Variants in TNFRSF1B observed in about 807,000 individuals in gnomAD.
TNFRSF1B encodes tumor necrosis factor receptor superfamily member 1B.
In TNFRSF1B, 19 loss-of-function variants were observed where a neutral mutation model predicts 44.6. The observed-to-expected ratio is 0.43, with a 90% CI of 0.30 to 0.62. The LOEUF is 0.62. Among genes scored for constraint, TNFRSF1B ranks in the 20% least tolerant of loss-of-function variants. TNFRSF1B has a pLI of 0.16. For synonymous variants in TNFRSF1B, 252 were observed against 261.1 expected (o/e 0.97, Z 0.34); for missense variants, 541 against 619.9 (o/e 0.87, Z 1.35).
chr1:12,170,170 C>T (rs1638489137), intron 1 of TNFRSF1B, among the ~76,000 whole-genome samples: 1 of 147,598 alleles, frequency 6.8e-6, no homozygotes, highest in Non-Finnish European at 1.5e-5. Context: ...CACCCTGAGG[C>T]AGGGCCATTC....
intron 8 of TNFRSF1B, among the ~76,000 whole-genome samples, chr1:12,194,900 T>C (rs1639233219): frequency 6.6e-6 from 1 of 152,234 alleles, no homozygotes; most frequent in South Asian, 2.1e-4. Flanking sequence ...GATGTGAAAT[T>C]GCTCTATGGC....
chr1:12,192,018 C>T (rs1639147214), intron 4 of TNFRSF1B, 95 bp downstream of exon 4: 30 of 1,479,420 alleles, frequency 2.0e-5, no homozygotes, highest in Non-Finnish European at 2.6e-5. Context: ...TTAATTAGTC[C>T]AGCAGGGAGC....
chr1:12,182,299 C>T (rs1367188817), intron 1 of TNFRSF1B, among the ~76,000 whole-genome samples: 2 of 152,112 alleles, frequency 1.3e-5, no homozygotes, highest in African/African-American at 2.4e-5. Flanking sequence ...CTGCTGCTTT[C>T]GTTCTCACCC....
intron 1 of TNFRSF1B, among the ~76,000 whole-genome samples, chr1:12,188,102 G>A (rs1213830027): frequency 6.6e-6 from 1 of 152,222 alleles, no homozygotes; most frequent in African/African-American, 2.4e-5. Context: ...CAGCTGATGA[G>A]TGCCGGCTCT....
chr1:12,177,903 C>T lies in TNFRSF1B; in HGVS notation c.78+10734C>T, dbSNP rs1035509907. On this transcript the variant is annotated intron_variant, in intron 1 of 9. Transcript: ENST00000376259. The surrounding 1 kb of genome is among the most constrained non-coding windows in gnomAD (Gnocchi z 4.3). Reference sequence around the variant, plus strand: ...GAGTGCCCTTCCTTGTCACAGCTACCTGGGGGCAGGGGAACATCATCCCCA... The same window carrying T: ...GAGTGCCCTTCCTTGTCACAGCTACTTGGGGGCAGGGGAACATCATCCCCA... Among the ~76,000 whole-genome samples, 8 of 152,184 alleles carry T rather than the reference C, an allele frequency of 5.3e-5. No homozygotes were observed. The highest frequency in any genetic ancestry group is 1.9e-4 in the African/African-American group (8 of 41,424).
At chr1:12,183,683 TC>T (rs1638876034) in intron 1 of TNFRSF1B, among the ~76,000 whole-genome samples, 1 of 129,922 alleles carries the variant, frequency 7.7e-6, no homozygotes, top group Non-Finnish European at 1.7e-5. Context: ...TATCTATCTA[TC>T]TATCTATCTA....
chr1:12,204,657 G>C (rs1226971623), intron 9 of TNFRSF1B, among the ~76,000 whole-genome samples: 1 of 152,248 alleles, frequency 6.6e-6, no homozygotes, highest in Non-Finnish European at 1.5e-5. Context: ...GGGCTGGGCA[G>C]GAAGGTGAGG....
chr1:12,188,996 CCTAGTT>C lies in TNFRSF1B; in HGVS notation c.178+105_178+110del, dbSNP rs1455147501. On this transcript the variant is annotated intron_variant, in intron 2 of 9. Transcript: ENST00000376259. The stretch of plus-strand genomic sequence containing the variant: ...CATAGCCCTTGATTCTTACTGAACT[CCTAGTT>C]CTATGCACTGGCCCATGCTCCCTGC... The C allele has an allele frequency of 3.5e-5, 36 of 1,040,386 alleles. 1 individual carries two copies. The African/African-American group carries it at 4.9e-4, about 14-fold the overall frequency. 64.4% of individuals were successfully genotyped at this position (1,040,386 alleles called of 1,614,324 possible).
chr1:12,183,641 G>GCTATCTAT (rs1638863902), intron 1 of TNFRSF1B, among the ~76,000 whole-genome samples: 7 of 140,090 alleles, frequency 5.0e-5, no homozygotes, highest in African/African-American at 1.8e-4. Context: ...TATCTATCTA[G>GCTATCTAT]CTATTTTATC....
At chr1:12,196,225 C>T (rs542851689) in intron 8 of TNFRSF1B, among the ~76,000 whole-genome samples, 113 of 152,174 alleles carry the variant, frequency 7.4e-4, no homozygotes, top group Middle Eastern at 3.4e-3. Flanking sequence ...CGCTTGAACC[C>T]GGGCAGTGGA....
At chr1:12,170,299 T>C (rs986171879) in intron 1 of TNFRSF1B, among the ~76,000 whole-genome samples, 1 of 152,204 alleles carries the variant, frequency 6.6e-6, no homozygotes, top group Admixed American at 6.5e-5. Context: ...ACACTACCAA[T>C]AGGTCACAGA....
At chr1:12,174,199 T>TCTC (rs1458191278) in intron 1 of TNFRSF1B, among the ~76,000 whole-genome samples, 3 of 126,602 alleles carry the variant, frequency 2.4e-5, no homozygotes, top group African/African-American at 6.4e-5. Context: ...TCCTTCTCCT[T>TCTC]CTCCTTCTCC....
At position 12,169,343 on chromosome 1, in the gene TNFRSF1B, G is replaced by T. The variant is rs1261003813; in HGVS notation, c.78+2174G>T. Among the ~76,000 whole-genome samples, 1 of 152,184 alleles carries T rather than the reference G, an allele frequency of 6.6e-6. No individual in the cohort carries two copies. Among genetic ancestry groups the T allele is most frequent in the African/African-American group, 2.4e-5 (1 of 41,442 alleles). On this transcript the variant is annotated intron_variant, in intron 1 of 9. Coordinates refer to ENST00000376259, the MANE Select transcript of TNFRSF1B (RefSeq NM_001066.3). This position sits in a 1 kb window ranked among gnomAD's most constrained non-coding sequence, Gnocchi z 4.5. The stretch of plus-strand genomic sequence containing the variant: ...CCACTAAACACCAGGCACTGGGCTA[G>T]GTACTTTGTCACAAAATTTCACTGA...
In TNFRSF1B at chr1:12,175,820, C is replaced by T. The variant is rs574409491; in HGVS notation, c.78+8651C>T. On this transcript the variant is annotated intron_variant, in intron 1 of 9. Coordinates refer to ENST00000376259, the MANE Select transcript of TNFRSF1B (RefSeq NM_001066.3). ...GATTCTGCCCTTCTCCAGGCCCACA[C>T]GGGGAACCTCCTAACCGCTGAGCCC... Among the ~76,000 whole-genome samples the T allele has an allele frequency of 2.5e-4, 38 of 152,256 alleles. 1 individual carries two copies. Among genetic ancestry groups the T allele is most frequent in the Admixed American group, 1.2e-3 (19 of 15,292 alleles).
chr1:12,208,109 C>G lies in TNFRSF1B; in HGVS notation c.*1089C>G, dbSNP rs1639553353. ...CAGGCCAACAAGCCAACGACAAAGCCAAACTCTGCCAGCCACATCCAACCC... is the reference window on the plus strand; with the variant it reads ...CAGGCCAACAAGCCAACGACAAAGCGAAACTCTGCCAGCCACATCCAACCC... On this transcript the variant is annotated 3_prime_UTR_variant, in exon 10 of 10. Coordinates refer to ENST00000376259, the MANE Select transcript of TNFRSF1B (RefSeq NM_001066.3). The G allele has an allele frequency of 1.3e-5, 2 of 152,856 alleles. No individual in the cohort carries two copies. The highest frequency in any genetic ancestry group is 6.5e-5 in the Admixed American group (1 of 15,282). The allele number at this position is 152,856 out of a possible 1,614,324, so 9.5% of individuals were successfully genotyped here.
chr1:12,189,397 TTTC>T (rs1321135453), intron 2 of TNFRSF1B, among the ~76,000 whole-genome samples: 1 of 152,218 alleles, frequency 6.6e-6, no homozygotes, highest in East Asian at 1.9e-4. Context: ...TGTGGCTTGT[TTTC>T]TGCTGAATCC....
chr1:12,196,940 A>AT (rs113856503), intron 8 of TNFRSF1B, among the ~76,000 whole-genome samples: 28,447 of 140,626 alleles, frequency 0.2, 2,962 homozygotes, highest in South Asian at 0.28. Context: ...TCCCTTTTCC[A>AT]TTTTTTTTTT....
At chr1:12,206,359 CA>C (rs35664314) in intron 9 of TNFRSF1B, among the ~76,000 whole-genome samples, 9,670 of 80,594 alleles carry the variant, frequency 0.12, 555 homozygotes, top group African/African-American at 0.27. Flanking sequence ...GACCCTGTCT[CA>C]AAAAAAAAAA....
rs745814265 is a variant in TNFRSF1B at position 12,192,871 on chromosome 1, T to A, written c.560T>A (p.Val187Glu). The A allele has an allele frequency of 6.2e-7, 1 of 1,613,574 alleles. No homozygotes were observed. Among genetic ancestry groups the A allele is most frequent in the Non-Finnish European group, 8.5e-7 (1 of 1,179,698 alleles). Residue 187 changes from valine (V) to glutamate (E), a missense_variant, in exon 6 of 10, where the codon GTG becomes GAG. By Grantham distance (121) the Val-to-Glu change is moderately radical. Coordinates refer to ENST00000376259, the MANE Select transcript of TNFRSF1B (RefSeq NM_001066.3). ...GCCTCCTCCTCCTCCAGCTGTAACGTGGTGGCCATCCCTGGGAATGCAAGC... is the reference window on the plus strand; with the variant it reads ...GCCTCCTCCTCCTCCAGCTGTAACGAGGTGGCCATCCCTGGGAATGCAAGC... The part of the protein sequence containing the change: ...DICRPHQICN[V>E]VAIPGNASMD...
Sources: gnomAD v4.1 joint callset for allele counts (sites outside exome capture counted in the v4.1 genomes callset) on GRCh38, gnomAD v4.1.1 for gene constraint, Gnocchi (gnomAD v3.1) non-coding constraint, MANE v1.5 for transcripts, NCBI Gene and HGNC (gene_info 2026-07-23, HGNC 2026-07-21) for gene names.